Variants in UNC79 observed in about 807,000 individuals in gnomAD.
UNC79 encodes the protein protein unc-79 homolog.
A neutral mutation model predicts 283.1 loss-of-function variants in UNC79; 37 were observed. The ratio of observed to expected loss-of-function variants is 0.13; its 90% CI spans 0.10 to 0.17. UNC79 has a LOEUF of 0.17. UNC79 is among the 10% of genes least tolerant of loss of function. UNC79 has a pLI of 1.00. For missense variants in UNC79, 2,272 were observed against 3,211.1 expected (o/e 0.71, Z 7.07); for synonymous variants, 1,107 against 1,200.2 (o/e 0.92, Z 1.61).
At chr14:93,682,772 C>G in intron 42 of UNC79, 78 bp downstream of exon 45, 2 of 1,449,382 alleles carry the variant, frequency 1.4e-6, no homozygotes, top group East Asian at 2.3e-5. Context: ...TTTAGACTTA[C>G]ATCAGGGTTT....
intron 16 of UNC79, 135 bp from the exon 17 acceptor site, chr14:93,574,922 GT>G: frequency 1.1e-6 from 1 of 928,906 alleles, no homozygotes; most frequent in South Asian, 1.9e-5. Flanking sequence ...GAGGATGACT[GT>G]GTTGATAGAA....
At chr14:93,629,949 C>A (rs2067888913) in intron 30 of UNC79, among the ~76,000 whole-genome samples, 1 of 152,202 alleles carries the variant, frequency 6.6e-6, no homozygotes, top group African/African-American at 2.4e-5. Flanking sequence ...GGAAAGAAGC[C>A]AGTAAACTTT....
intron 14 of UNC79, among the ~76,000 whole-genome samples, chr14:93,547,986 C>T (rs896143618): frequency 6.6e-6 from 1 of 151,696 alleles, no homozygotes; most frequent in East Asian, 1.9e-4. Flanking sequence ...GACCCTGTCT[C>T]AAAAAAACAA....
chr14:93,497,124 G>T, intron 6 of UNC79, 33 bp from the exon 7 acceptor site: 1 of 1,592,310 alleles, frequency 6.3e-7, no homozygotes, highest in Non-Finnish European at 8.5e-7. Context: ...ATTTCATGAT[G>T]CTAAGTCAAA....
intron 14 of UNC79, among the ~76,000 whole-genome samples, chr14:93,566,908 C>T (rs141031725): frequency 5.9e-5 from 9 of 152,156 alleles, no homozygotes; most frequent in East Asian, 1.9e-4. Context: ...TGAGCCACCA[C>T]GCTCGGCCTG....
At chr14:93,538,539 T>C (rs866074857) in intron 12 of UNC79, among the ~76,000 whole-genome samples, 1 of 151,958 alleles carries the variant, frequency 6.6e-6, no homozygotes, top group Non-Finnish European at 1.5e-5. Flanking sequence ...AGCTCAGTAA[T>C]AGCATTGAGG....
At chr14:93,561,735 T>A (rs987049153) in intron 14 of UNC79, among the ~76,000 whole-genome samples, 4 of 152,098 alleles carry the variant, frequency 2.6e-5, no homozygotes, top group Non-Finnish European at 5.9e-5. Context: ...CCAGCAAAGA[T>A]CATCTATCCA....
chr14:93,573,707 T>C (rs1223957237), intron 16 of UNC79, among the ~76,000 whole-genome samples: 1 of 152,188 alleles, frequency 6.6e-6, no homozygotes, highest in Non-Finnish European at 1.5e-5. Context: ...GGGACCATTT[T>C]TTAAAAAGTC....
At chr14:93,582,281 G>C (rs1460493374) in exon 20 of UNC79, 2 of 1,614,170 alleles carry the variant, frequency 1.2e-6, no homozygotes, top group Non-Finnish European at 8.5e-7. Flanking sequence ...GGAGGAGGAG[G>C]AGAATCCTGC....
chr14:93,351,221 TA>T (rs1452947507), intron 1 of UNC79, among the ~76,000 whole-genome samples: 1 of 152,206 alleles, frequency 6.6e-6, no homozygotes. Flanking sequence ...AAATAATTTC[TA>T]TATTATATTC....
Position 93,682,814 on chromosome 14 carries a change from T to C in UNC79, c.6819+120T>C. On this transcript the variant is annotated intron_variant, in intron 42 of 48. Coordinates refer to ENST00000555664, the Ensembl canonical transcript of UNC79. ...TGCCATTTACTAGCTATGTGACTTTTGGAACGTATTTTAACCTATAATTCT... is the reference window on the plus strand; with the variant it reads ...TGCCATTTACTAGCTATGTGACTTTCGGAACGTATTTTAACCTATAATTCT... 6 of 867,228 alleles carry C rather than the reference T, an allele frequency of 6.9e-6. No individual in the cohort carries two copies. The East Asian group carries it at 1.6e-4, about 23-fold the overall frequency. 53.7% of individuals were successfully genotyped at this position (867,228 alleles called of 1,614,324 possible).
intron 42 of UNC79, 27 bp from the exon 46 acceptor site, chr14:93,686,545 T>A: frequency 6.2e-7 from 1 of 1,612,394 alleles, no homozygotes; most frequent in Non-Finnish European, 8.5e-7. Context: ...AATGAAGGTG[T>A]GACCCAGCTG....
intron 1 of UNC79, among the ~76,000 whole-genome samples, chr14:93,454,805 G>A (rs2056751237): frequency 6.6e-6 from 1 of 152,104 alleles, no homozygotes; most frequent in South Asian, 2.1e-4. Flanking sequence ...CACTTTTGCT[G>A]CCTAACTTGT....
At chr14:93,477,755 A>G (rs2057885490) in intron 4 of UNC79, 27 bp downstream of exon 4, 1 of 1,589,138 alleles carries the variant, frequency 6.3e-7, no homozygotes, top group South Asian at 1.2e-5. Context: ...CTAATACTAG[A>G]TTATTTTTAT....
chr14:93,467,559 T>A lies in UNC79; in HGVS notation c.23-112T>A, dbSNP rs7150977. The A allele has an allele frequency of 3.1e-3, 3,537 of 1,138,784 alleles. 87 individuals are homozygous for A. In the African/African-American group the frequency reaches 0.053, roughly 17 times the overall value. 70.5% of individuals were successfully genotyped at this position (1,138,784 alleles called of 1,614,324 possible). A position where few individuals can be genotyped will look rare whatever the true frequency, so the allele number is the denominator to read the frequency against. ...ATACTGATTAAATTCTTGTTTGTAATCATTTTTAAAAATGACTGTATGCCT... is the reference window on the plus strand; with the variant it reads ...ATACTGATTAAATTCTTGTTTGTAAACATTTTTAAAAATGACTGTATGCCT... On this transcript the variant is annotated intron_variant, in intron 1 of 48. Transcript: ENST00000555664.
chr14:93,455,894 T>C (rs1047636991), intron 1 of UNC79, among the ~76,000 whole-genome samples: 4 of 150,758 alleles, frequency 2.7e-5, no homozygotes, highest in Non-Finnish European at 5.9e-5. Context: ...GTTTTGTTTT[T>C]CCCATCAGTA....
chr14:93,576,353 A>G (rs781383868), intron 17 of UNC79, among the ~76,000 whole-genome samples: 1 of 152,192 alleles, frequency 6.6e-6, no homozygotes, highest in African/African-American at 2.4e-5. Flanking sequence ...GATAGGTTCA[A>G]TCATACCCCA....
intron 47 of UNC79, among the ~76,000 whole-genome samples, chr14:93,697,745 C>T (rs1046091808): frequency 1.3e-5 from 2 of 152,088 alleles, no homozygotes; most frequent in East Asian, 3.9e-4. Context: ...GAGACCCAGT[C>T]TCTACCCTGC....
chr14:93,506,002 T>C (rs2059518589), intron 7 of UNC79, among the ~76,000 whole-genome samples: 1 of 151,880 alleles, frequency 6.6e-6, no homozygotes, highest in African/African-American at 2.4e-5. Flanking sequence ...AAAACATAAT[T>C]ACTGTTGTTC....
Sources: allele counts gnomAD v4.1 joint callset (sites outside exome capture counted in the v4.1 genomes callset), GRCh38; gene constraint gnomAD v4.1.1; transcripts MANE v1.5; gene names NCBI Gene and HGNC (gene_info 2026-07-23, HGNC 2026-07-21).